The following FHIT variants were observed in gnomAD, a reference collection of about 807,000 sequenced individuals.
The protein encoded by FHIT is bis(5'-adenosyl)-triphosphatase.
FHIT carries 19 observed loss-of-function variants against 17.9 expected under a neutral mutation model. The ratio of observed to expected loss-of-function variants is 1.06; its 90% CI spans 0.74 to 1.56. The LOEUF (loss-of-function observed/expected upper bound fraction) is 1.56, where lower values mean the gene tolerates loss of function less well. Ranked by LOEUF, FHIT falls within the 40% of genes most tolerant of loss-of-function variation. The probability of loss-of-function intolerance (pLI) is 0.00; values close to 1 mark genes in which losing one functional copy is unlikely to be tolerated. For synonymous variants in FHIT, 81 were observed against 69.7 expected, an observed-to-expected ratio of 1.16 and a Z score of -0.81; for missense variants, 248 against 189.2, an observed-to-expected ratio of 1.31 and a Z score of -1.82.
chr3:60,613,267 C>T (rs1553674382), intron 4 of FHIT, among the ~76,000 whole-genome samples: 1 of 152,126 alleles, frequency 6.6e-6, no homozygotes, highest in Non-Finnish European at 1.5e-5. Context: ...ATGAGTACAA[C>T]CCTGAGACCT....
chr3:59,849,449 T>A (rs1406077578), intron 8 of FHIT, among the ~76,000 whole-genome samples: 1 of 152,148 alleles, frequency 6.6e-6, no homozygotes, highest in Non-Finnish European at 1.5e-5. Flanking sequence ...ATATGAGTTG[T>A]GTCCAAACCA....
At chr3:60,241,145 T>G (rs1559754594) in intron 5 of FHIT, among the ~76,000 whole-genome samples, 1 of 152,138 alleles carries the variant, frequency 6.6e-6, no homozygotes, top group Non-Finnish European at 1.5e-5. Context: ...TTTAAAGACA[T>G]ATTTATTCCT....
intron 5 of FHIT, among the ~76,000 whole-genome samples, chr3:60,341,756 T>C (rs1710526371): frequency 6.6e-6 from 1 of 152,188 alleles, no homozygotes; most frequent in African/African-American, 2.4e-5. Flanking sequence ...AATTTCTTTT[T>C]TCTTTTTGTG....
At chr3:60,669,926 G>T (rs2040472123) in intron 4 of FHIT, among the ~76,000 whole-genome samples, 1 of 152,206 alleles carries the variant, frequency 6.6e-6, no homozygotes, top group Non-Finnish European at 1.5e-5. Flanking sequence ...TTGTAATCAT[G>T]CATTGTTATC....
intron 4 of FHIT, among the ~76,000 whole-genome samples, chr3:60,628,489 C>T (rs548213783): frequency 3.3e-5 from 5 of 152,318 alleles, no homozygotes; most frequent in Admixed American, 2.6e-4. Context: ...TCACTAATTA[C>T]TGGATAATCA....
intron 5 of FHIT, among the ~76,000 whole-genome samples, chr3:60,159,671 AT>A (rs1432790260): frequency 6.6e-6 from 1 of 152,180 alleles, no homozygotes; most frequent in Non-Finnish European, 1.5e-5. Flanking sequence ...TTTTACACAG[AT>A]TAAATAATTT....
intron 3 of FHIT, among the ~76,000 whole-genome samples, chr3:60,924,466 A>T (rs1257429768): frequency 6.6e-6 from 1 of 152,234 alleles, no homozygotes; most frequent in Non-Finnish European, 1.5e-5. Context: ...GTGGGCCTGC[A>T]GCAAACTCTA....
At chr3:60,415,907 T>A (rs949828199) in intron 5 of FHIT, among the ~76,000 whole-genome samples, 3 of 70,742 alleles carry the variant, frequency 4.2e-5, no homozygotes, top group Non-Finnish European at 6.7e-5. Context: ...ACAATATAAT[T>A]ATATATAACA....
intron 5 of FHIT, among the ~76,000 whole-genome samples, chr3:60,034,868 C>T (rs1049099057): frequency 9.9e-5 from 15 of 152,170 alleles, no homozygotes; most frequent in East Asian, 3.9e-4. Context: ...TTCACTTTAC[C>T]AGCCATTCAC....
chr3:59,976,546 T>G (rs1274101302), intron 7 of FHIT, among the ~76,000 whole-genome samples: 2 of 151,614 alleles, frequency 1.3e-5, no homozygotes, highest in African/African-American at 2.4e-5. Context: ...GGAAAGAGAA[T>G]GAAGAAAGAG....
intron 5 of FHIT, among the ~76,000 whole-genome samples, chr3:60,337,607 C>T (rs532710406): frequency 2.0e-3 from 304 of 152,322 alleles, no homozygotes; most frequent in African/African-American, 6.7e-3. Flanking sequence ...ACAGACCACT[C>T]ATATCCCTCA....
At chr3:60,550,574 G>A (rs1006311861) in intron 4 of FHIT, among the ~76,000 whole-genome samples, 1 of 150,964 alleles carries the variant, frequency 6.6e-6, no homozygotes, top group Admixed American at 6.6e-5. Flanking sequence ...GCCTTTTCAA[G>A]ATCTCACTTC....
chr3:60,213,610 C>G (rs1703558857), intron 5 of FHIT, among the ~76,000 whole-genome samples: 1 of 152,118 alleles, frequency 6.6e-6, no homozygotes, highest in Non-Finnish European at 1.5e-5. Flanking sequence ...ATTTTTCCTC[C>G]AAGGGCATGG....
intron 5 of FHIT, among the ~76,000 whole-genome samples, chr3:60,239,865 T>C (rs545006498): frequency 3.9e-5 from 6 of 152,158 alleles, no homozygotes; most frequent in Non-Finnish European, 5.9e-5. Context: ...ATACAGCATC[T>C]AAGAAGTTGA....
chr3:60,433,501 A>C (rs1437171089), intron 5 of FHIT, among the ~76,000 whole-genome samples: 3 of 152,082 alleles, frequency 2.0e-5, no homozygotes, highest in African/African-American at 7.2e-5. Flanking sequence ...ACAGTTTTCT[A>C]TAATCATTGC....
intron 5 of FHIT, among the ~76,000 whole-genome samples, chr3:60,191,123 A>T (rs929494421): frequency 1.3e-5 from 2 of 152,158 alleles, no homozygotes; most frequent in African/African-American, 4.8e-5. Flanking sequence ...TAAAATAAAA[A>T]AACAATGGTT....
At chr3:60,328,149 C>A (rs1388673677) in intron 5 of FHIT, among the ~76,000 whole-genome samples, 1 of 130,842 alleles carries the variant, frequency 7.6e-6, no homozygotes, top group Non-Finnish European at 1.6e-5. Flanking sequence ...TAAGGGAGCA[C>A]AGGCAATGTA....
intron 3 of FHIT, among the ~76,000 whole-genome samples, chr3:60,929,055 T>A (rs1382185724): frequency 6.6e-6 from 1 of 152,158 alleles, no homozygotes; most frequent in African/African-American, 2.4e-5. Flanking sequence ...GCAAGGCTGG[T>A]TCAACATACG....
chr3:60,442,169 C>G (rs530178943), intron 5 of FHIT, among the ~76,000 whole-genome samples: 5 of 151,984 alleles, frequency 3.3e-5, no homozygotes, highest in Admixed American at 2.0e-4. Context: ...CCTGGTCACT[C>G]TGAAAGGAAT....
Sources: gnomAD v4.1 joint callset for allele counts (sites outside exome capture counted in the v4.1 genomes callset) on GRCh38, gnomAD v4.1.1 for gene constraint, MANE v1.5 for transcripts, NCBI Gene and HGNC (gene_info 2026-07-23, HGNC 2026-07-21) for gene names.